ATP8B4: variants seen among roughly 807,000 people sequenced by gnomAD.
The protein encoded by ATP8B4 is ATPase phospholipid transporting 8B4 (putative).
Under a neutral mutation model 145.6 loss-of-function variants are expected in ATP8B4, and 133 were observed. The observed-to-expected ratio is 0.91, with a 90% CI of 0.79 to 1.05. ATP8B4 has a LOEUF of 1.05. Among genes scored for constraint, ATP8B4 ranks in the 50% least tolerant of loss-of-function variants. ATP8B4 has a pLI of 0.00. For synonymous variants in ATP8B4, 507 were observed against 492.9 expected (o/e 1.03, Z -0.38); for missense variants, 1,458 against 1,425.2 (o/e 1.02, Z -0.37).
Position 49,901,130 on chromosome 15 carries a change from T to C in ATP8B4, c.2251A>G (p.Thr751Ala). The change falls in exon 21 of 28, where the codon ACA (threonine) becomes GCA (alanine). Residue 751 changes from threonine (T) to alanine (A), a missense_variant. Transcript: ENST00000284509. ...TTTATGATTAAGGCATAATCTCCTGTTATGGTTTCTTCTACAATAGAATCC... is the reference window on the plus strand; with the variant it reads ...TTTATGATTAAGGCATAATCTCCTGCTATGGTTTCTTCTACAATAGAATCC... Reference protein sequence around the residue: ...ELDSIVEETITGDYALIINGH... With the variant: ...ELDSIVEETIAGDYALIINGH... The C allele has an allele frequency of 6.2e-7, 1 of 1,613,616 alleles. No individual in the cohort carries two copies.
intron 2 of ATP8B4, among the ~76,000 whole-genome samples, chr15:50,078,001 C>T (rs765712321): frequency 2.0e-4 from 31 of 152,020 alleles, no homozygotes; most frequent in Non-Finnish European, 3.5e-4. Context: ...CTATCTAGTC[C>T]TTTATTTATA....
chr15:49,887,160 A>G (rs1290156864), intron 23 of ATP8B4, among the ~76,000 whole-genome samples: 1 of 151,938 alleles, frequency 6.6e-6, no homozygotes, highest in Non-Finnish European at 1.5e-5. Context: ...CTTGCAAGAG[A>G]TCTCCAGCTA....
chr15:50,179,285 T>C (rs558275751), intron 1 of ATP8B4, among the ~76,000 whole-genome samples: 1 of 152,254 alleles, frequency 6.6e-6, no homozygotes, highest in African/African-American at 2.4e-5. Flanking sequence ...TAAATTTCAT[T>C]TTATAGACCA....
At position 49,987,395 on chromosome 15, in the gene ATP8B4, A is replaced by G. The variant is rs1177040709; in HGVS notation, c.744T>C (p.Phe248=). 1.2e-6 allele frequency: 2 copies of G among 1,613,534 alleles called. No individual in the cohort carries two copies. The highest frequency in any genetic ancestry group is 4.5e-5 in the East Asian group (2 of 44,866). ...NTSWCFGMVI[F]AGPDTKLMQN... ...GCCTTGGGTCACATGCTGTACCTGC[A>G]AAAATAACCATTCCAAAACACCAGC... Residue 248 remains phenylalanine, a synonymous_variant, in exon 10 of 28, where the codon TTT becomes TTC. Transcript: ENST00000284509.
chr15:50,099,423 G>A (rs1290549964), intron 2 of ATP8B4, among the ~76,000 whole-genome samples: 1 of 152,038 alleles, frequency 6.6e-6, no homozygotes, highest in Non-Finnish European at 1.5e-5. Context: ...GGAACTACAG[G>A]CACGTGCCAC....
intron 2 of ATP8B4, among the ~76,000 whole-genome samples, chr15:50,103,951 C>T (rs773261867): frequency 1.1e-4 from 17 of 151,898 alleles, no homozygotes; most frequent in Non-Finnish European, 2.2e-4. Context: ...ACCTGATCTT[C>T]GACAAATCAA....
Position 49,931,327 on chromosome 15 carries a change from G to GT in ATP8B4, c.1454-21dup, listed in dbSNP as rs757852432. On this transcript the variant is annotated intron_variant, in intron 15 of 27. Transcript: ENST00000284509. ...GCTCTCCTAAAAGGTAAAGAAACAA[G>GT]TGTATCAATACTGACTAACAGCTAA... is the stretch of plus-strand genomic sequence containing the variant. The GT allele has an allele frequency of 3.1e-6, 5 of 1,603,514 alleles. No individual in the cohort carries two copies. Among genetic ancestry groups the GT allele is most frequent in the South Asian group, 2.2e-5 (2 of 90,592 alleles).
At chr15:50,112,001 T>C (rs551736786) in intron 1 of ATP8B4, among the ~76,000 whole-genome samples, 46 of 152,180 alleles carry the variant, frequency 3.0e-4, no homozygotes, top group African/African-American at 1.1e-3. Flanking sequence ...ACCTGGTCTC[T>C]ATAAAAATAA....
intron 14 of ATP8B4, among the ~76,000 whole-genome samples, chr15:49,958,431 G>C (rs2043776283): frequency 6.6e-6 from 1 of 151,482 alleles, no homozygotes; most frequent in African/African-American, 2.4e-5. Context: ...AGAAGTTATT[G>C]ATTAAAATGC....
intron 14 of ATP8B4, among the ~76,000 whole-genome samples, chr15:49,939,223 C>A (rs575179944): frequency 1.5e-4 from 23 of 151,904 alleles, no homozygotes; most frequent in Non-Finnish European, 2.9e-4. Context: ...CCAAAGCTAG[C>A]AGAACAAACT....
intron 26 of ATP8B4, 140 bp downstream of exon 26, chr15:49,866,206 G>T: frequency 2.5e-6 from 3 of 1,188,924 alleles, no homozygotes; most frequent in Non-Finnish European, 3.5e-6. Flanking sequence ...AAACTCGGAA[G>T]CCTTCAGATG....
In ATP8B4 at chr15:49,979,675, T is replaced by A; in HGVS notation, c.976A>T (p.Thr326Ser). ...EKSSVFSGFL[T>S]FWSYIIILNT... ...AGAATAATAATATATGACCAGAATG[T>A]TAAGAATCCGGAGAACACAGAGCTC... The change falls in exon 12 of 28, where the codon ACA becomes TCA. Residue 326 changes from threonine (T) to serine (S), a missense_variant. By Grantham distance (58) the Thr-to-Ser change is moderately conservative. Coordinates refer to ENST00000284509, the MANE Select transcript of ATP8B4 (RefSeq NM_024837.4). The A allele has an allele frequency of 4.4e-6, 7 of 1,605,762 alleles. No individual in the cohort carries two copies. Among genetic ancestry groups the A allele is most frequent in the Non-Finnish European group, 6.0e-6 (7 of 1,174,110 alleles).
At chr15:49,921,166 C>T (rs1455799213) in intron 17 of ATP8B4, among the ~76,000 whole-genome samples, 1 of 152,062 alleles carries the variant, frequency 6.6e-6, no homozygotes, top group East Asian at 1.9e-4. Flanking sequence ...GGAGGCTGAC[C>T]TTCACTTTTC....
In ATP8B4 at chr15:49,901,268, T is replaced by C. The variant is rs148269834; in HGVS notation, c.2142-29A>G. 5.6e-4 allele frequency: 899 copies of C among 1,607,018 alleles called. 1 individual carries two copies. Among genetic ancestry groups the C allele is most frequent in the Middle Eastern group, 2.5e-3 (15 of 6,032 alleles). On this transcript the variant is annotated intron_variant, in intron 20 of 27. Transcript: ENST00000284509. ...AAAGGAGAGGGTGAAAAGTGAAACA[T>C]AACAAAGCATACAGAGCATGCCTAC...
At chr15:50,030,842 G>A (rs2050379534) in intron 6 of ATP8B4, among the ~76,000 whole-genome samples, 4 of 152,192 alleles carry the variant, frequency 2.6e-5, no homozygotes, top group Admixed American at 2.6e-4. Flanking sequence ...CTCATTTGGA[G>A]AAATAGTCAC....
intron 15 of ATP8B4, among the ~76,000 whole-genome samples, 188 bp from the exon 16 acceptor site, chr15:49,931,495 C>A (rs2041252066): frequency 6.6e-6 from 1 of 152,020 alleles, no homozygotes; most frequent in Non-Finnish European, 1.5e-5. Context: ...TACCATAGGA[C>A]TCTATGCATA....
intron 20 of ATP8B4, among the ~76,000 whole-genome samples, chr15:49,911,252 T>C (rs2039198677): frequency 6.6e-6 from 1 of 152,042 alleles, no homozygotes. Flanking sequence ...TATAAAAATG[T>C]GATCTATATG....
intron 1 of ATP8B4, among the ~76,000 whole-genome samples, chr15:50,158,441 G>T (rs2044461287): frequency 6.6e-6 from 1 of 151,148 alleles, no homozygotes; most frequent in Non-Finnish European, 1.5e-5. Context: ...GGAGGTGGGG[G>T]GTCAGACCCC....
rs1019575627 is a variant in ATP8B4, at chr15:49,917,177, T to C, written c.2036-138A>G. The C allele has an allele frequency of 5.5e-6, 4 of 726,190 alleles. No individual in the cohort carries two copies. In the African/African-American group the frequency reaches 7.1e-5, roughly 13 times the overall value. The allele number at this position is 726,190 out of a possible 1,614,324, so 45.0% of individuals were successfully genotyped here. A position where few individuals can be genotyped will look rare whatever the true frequency, so the allele number is the denominator to read the frequency against. On this transcript the variant is annotated intron_variant, in intron 19 of 27. Coordinates refer to ENST00000284509, the MANE Select transcript of ATP8B4 (RefSeq NM_024837.4). ...ATGTCAGAGAGAGCACAACAGGTGA[T>C]AAAATACAAGCAGTGCAGAGGGAAA...
Sources: gnomAD v4.1 joint callset for allele counts (sites outside exome capture counted in the v4.1 genomes callset) on GRCh38, gnomAD v4.1.1 for gene constraint, MANE v1.5 for transcripts, NCBI Gene and HGNC (gene_info 2026-07-23, HGNC 2026-07-21) for gene names.